Variants in SMIM31 observed in about 807,000 individuals in gnomAD.
SMIM31 encodes the protein human epithelial cell program regulator.
At chr4:164,785,121 G>A (rs1733011243) in intron 2 of SMIM31, among the ~76,000 whole-genome samples, 1 of 151,938 alleles carries the variant, frequency 6.6e-6, no homozygotes, top group Non-Finnish European at 1.5e-5. Flanking sequence ...AGCTACTCAG[G>A]AGGCTGAGGC....
At chr4:164,775,499 AT>A (rs1732870066) in intron 2 of SMIM31, among the ~76,000 whole-genome samples, 1 of 152,212 alleles carries the variant, frequency 6.6e-6, no homozygotes, top group Admixed American at 6.5e-5. Context: ...CATCTTACCT[AT>A]AACTTTTCTA....
chr4:164,758,177 C>T (rs935894790), intron 1 of SMIM31, among the ~76,000 whole-genome samples: 4 of 151,510 alleles, frequency 2.6e-5, no homozygotes, highest in South Asian at 4.2e-4. Context: ...TTTTATTTTA[C>T]AATTATTGAG....
intron 2 of SMIM31, among the ~76,000 whole-genome samples, chr4:164,778,806 A>C (rs1306071297): frequency 2.6e-5 from 4 of 152,138 alleles, no homozygotes; most frequent in African/African-American, 4.8e-5. Flanking sequence ...ACTCAGAATT[A>C]ACTGTGTGAT....
intron 2 of SMIM31, among the ~76,000 whole-genome samples, chr4:164,779,064 G>A (rs1262604745): frequency 6.6e-6 from 1 of 151,578 alleles, no homozygotes; most frequent in Non-Finnish European, 1.5e-5. Context: ...CTACCTTAAA[G>A]TTGTGTTTGT....
chr4:164,759,602 C>T (rs1461712853), intron 1 of SMIM31, among the ~76,000 whole-genome samples: 1 of 152,096 alleles, frequency 6.6e-6, no homozygotes, highest in East Asian at 1.9e-4. Context: ...CTAAAGATAT[C>T]CCTATCAATG....
At chr4:164,772,388 T>C (rs1005994485) in intron 2 of SMIM31, among the ~76,000 whole-genome samples, 3 of 152,090 alleles carry the variant, frequency 2.0e-5, no homozygotes, top group Non-Finnish European at 4.4e-5. Flanking sequence ...CACTGGGTAT[T>C]ACATTTCAAC....
At chr4:164,777,392 G>A (rs1732891434) in intron 2 of SMIM31, among the ~76,000 whole-genome samples, 1 of 152,112 alleles carries the variant, frequency 6.6e-6, no homozygotes, top group Non-Finnish European at 1.5e-5. Flanking sequence ...CTATTTCGTT[G>A]TTCTTTAGTT....
intron 2 of SMIM31, among the ~76,000 whole-genome samples, chr4:164,782,385 T>A (rs112623416): frequency 1.2e-4 from 17 of 146,956 alleles, no homozygotes; most frequent in East Asian, 5.9e-4. Context: ...TTATTTTTTT[T>A]TTTTTTTTTT....
At chr4:164,779,894 GT>G (rs1560828376) in intron 2 of SMIM31, among the ~76,000 whole-genome samples, 2 of 152,142 alleles carry the variant, frequency 1.3e-5, no homozygotes, top group African/African-American at 4.8e-5. Flanking sequence ...CAACAAACTG[GT>G]TTTTTGGCAT....
At chr4:164,757,802 ACT>A (rs1553964667) in intron 1 of SMIM31, among the ~76,000 whole-genome samples, 1 of 131,980 alleles carries the variant, frequency 7.6e-6, no homozygotes, top group Non-Finnish European at 1.7e-5. Context: ...CAAATACTAC[ACT>A]CTTTTGATTA....
chr4:164,792,877 A>T lies in SMIM31; in HGVS notation c.113-8214A>T, dbSNP rs147150978. 3.9e-3 allele frequency among the ~76,000 whole-genome samples: 590 copies of T among 152,336 alleles called. 1 individual carries two copies. Among genetic ancestry groups the T allele is most frequent in the Non-Finnish European group, 6.9e-3 (469 of 68,026 alleles). On this transcript the variant is annotated intron_variant, in intron 2 of 2. Transcript: ENST00000507311. The stretch of plus-strand genomic sequence containing the variant: ...ATTTCCTGATTTCAAAACATTACAA[A>T]GCCACAGTAATCAATACAGTGTAGC...
intron 2 of SMIM31, among the ~76,000 whole-genome samples, chr4:164,796,006 C>T (rs1733190601): frequency 6.6e-6 from 1 of 152,124 alleles, no homozygotes; most frequent in African/African-American, 2.4e-5. Flanking sequence ...AGGGTGGCAA[C>T]TCTGTTATCA....
At chr4:164,772,693 C>A (rs1732824983) in intron 2 of SMIM31, among the ~76,000 whole-genome samples, 1 of 151,564 alleles carries the variant, frequency 6.6e-6, no homozygotes, top group Non-Finnish European at 1.5e-5. Context: ...ATTCTCCTGC[C>A]TCAGCCTCCC....
rs779023276 is a variant in SMIM31 at position 164,758,622 on chromosome 4, C to CTTTTTTTTTTTTTTTTTTTTTTTTTTT, written c.-26+4218_-26+4219insTTTTTTTTTTTTTTTTTTTTTTTTTTT. Among the ~76,000 whole-genome samples, 3 of 105,390 alleles carry CTTTTTTTTTTTTTTTTTTTTTTTTTTT rather than the reference C, an allele frequency of 2.8e-5. 1 individual carries two copies. The highest frequency in any genetic ancestry group is 3.2e-5 in the African/African-American group (1 of 31,172). 69.1% of individuals were successfully genotyped at this position (105,390 alleles called of 152,430 possible). A position where few individuals can be genotyped will look rare whatever the true frequency, so the allele number is the denominator to read the frequency against. Reference sequence around the variant, plus strand: ...GGAAATGACCATATATGTAGTTTTCCTTTTTTTGTTTTTTTTTTTTTTTTT... The same window carrying CTTTTTTTTTTTTTTTTTTTTTTTTTTT: ...GGAAATGACCATATATGTAGTTTTCCTTTTTTTTTTTTTTTTTTTTTTTTTTTTTTTTTTGTTTTTTTTTTTTTTTTT... On this transcript the variant is annotated intron_variant, in intron 1 of 2. Transcript: ENST00000507311.
At chr4:164,793,978 C>A (rs1312508171) in intron 2 of SMIM31, among the ~76,000 whole-genome samples, 1 of 152,020 alleles carries the variant, frequency 6.6e-6, no homozygotes, top group Non-Finnish European at 1.5e-5. Flanking sequence ...GCATATGCAA[C>A]CAAAAGTAAG....
intron 2 of SMIM31, among the ~76,000 whole-genome samples, chr4:164,772,114 G>A (rs1732810160): frequency 6.6e-6 from 1 of 152,182 alleles, no homozygotes; most frequent in Non-Finnish European, 1.5e-5. Flanking sequence ...AGTTCTGCAG[G>A]CTGTATAGGA....
chr4:164,762,677 A>AG (rs1392531022), intron 1 of SMIM31, among the ~76,000 whole-genome samples: 3 of 150,690 alleles, frequency 2.0e-5, no homozygotes, highest in Admixed American at 2.0e-4. Context: ...AAAAAAAAAA[A>AG]AAAAAAGAAA....
At chr4:164,756,405 C>T (rs1272316786) in intron 1 of SMIM31, among the ~76,000 whole-genome samples, 2 of 151,802 alleles carry the variant, frequency 1.3e-5, no homozygotes, top group African/African-American at 2.4e-5. Flanking sequence ...ACTGTCTCTA[C>T]TAAAAATACA....
intron 1 of SMIM31, among the ~76,000 whole-genome samples, chr4:164,763,720 T>C (rs149781259): frequency 6.6e-6 from 1 of 152,342 alleles, no homozygotes; most frequent in East Asian, 1.9e-4. Flanking sequence ...CTTGTTCTTA[T>C]GGAAAAGATA....
Sources: allele counts gnomAD v4.1 joint callset (sites outside exome capture counted in the v4.1 genomes callset), GRCh38; gene constraint gnomAD v4.1.1; transcripts MANE v1.5; gene names NCBI Gene and HGNC (gene_info 2026-07-23, HGNC 2026-07-21).